FMN1: variants seen among roughly 807,000 people sequenced by gnomAD.
FMN1 encodes the protein formin 1, also known as formin-1.
FMN1 carries 110 observed loss-of-function variants against 132.4 expected under a neutral mutation model. That is an observed-to-expected ratio of 0.83 (90% CI 0.71 to 0.97). FMN1 has a LOEUF of 0.97. FMN1 is among the 50% of genes least tolerant of loss of function. The pLI, the probability that FMN1 is intolerant of heterozygous loss-of-function variation, is 0.00. For missense variants in FMN1, 1,792 were observed against 1,705.3 expected, an observed-to-expected ratio of 1.05 and a Z score of -0.90; for synonymous variants, 722 against 651.7, an observed-to-expected ratio of 1.11 and a Z score of -1.64.
Position 33,173,393 on chromosome 15 carries a change from C to T in FMN1, c.-132+6805G>A, listed in dbSNP as rs111915089. ...GTTTGTAAAAAACTTTATGAGACCA[C>T]GAAACCAAGCAGTGCTGCTTCAGGG... is the stretch of plus-strand genomic sequence containing the variant. On this transcript the variant is annotated intron_variant, in intron 3 of 20. Coordinates refer to ENST00000616417, the MANE Select transcript of FMN1 (RefSeq NM_001277313.2). 4.0e-3 allele frequency among the ~76,000 whole-genome samples: 605 copies of T among 152,294 alleles called. 1 individual carries two copies. The highest frequency in any genetic ancestry group is 9.8e-3 in the South Asian group (47 of 4,816).
intron 7 of FMN1, 77 bp from the exon 8 acceptor site, chr15:32,969,554 C>T: frequency 2.0e-6 from 3 of 1,477,078 alleles, no homozygotes; most frequent in Middle Eastern, 3.6e-4. Flanking sequence ...CTCAATAATA[C>T]CATCATGGTG....
At chr15:33,167,763 A>C (rs1017780340) in intron 3 of FMN1, among the ~76,000 whole-genome samples, 14 of 152,248 alleles carry the variant, frequency 9.2e-5, no homozygotes, top group African/African-American at 3.4e-4. Flanking sequence ...AGAAAAGAAG[A>C]TGTCATTAAG....
In FMN1 at chr15:33,033,413, C is replaced by T. The variant is rs967183323; in HGVS notation, c.2162-25338G>A. On this transcript the variant is annotated intron_variant, in intron 6 of 20. Coordinates refer to ENST00000616417, the MANE Select transcript of FMN1 (RefSeq NM_001277313.2). ...TGCACATCCTCCCGCCTACCACAGT[C>T]CCTGTCCTTGGACCTATTACTAGAG... Among the ~76,000 whole-genome samples the T allele has an allele frequency of 5.9e-5, 9 of 152,290 alleles. No individual in the cohort carries two copies. In the East Asian group the frequency reaches 1.7e-3, roughly 29 times the overall value.
intron 3 of FMN1, among the ~76,000 whole-genome samples, chr15:33,173,551 A>G (rs1048874024): frequency 6.6e-6 from 1 of 152,232 alleles, no homozygotes; most frequent in Admixed American, 6.5e-5. Flanking sequence ...ATTTTAATGC[A>G]GGGCACCAGA....
intron 20 of FMN1, among the ~76,000 whole-genome samples, chr15:32,774,916 G>T (rs2056367070): frequency 1.3e-5 from 2 of 152,104 alleles, no homozygotes; most frequent in Admixed American, 1.3e-4. Context: ...CTTCTAAAGG[G>T]AAGGACATGG....
chr15:33,141,439 A>G (rs1964006170), intron 4 of FMN1, among the ~76,000 whole-genome samples: 1 of 152,184 alleles, frequency 6.6e-6, no homozygotes. Flanking sequence ...GTTATGGGTA[A>G]CATAACGTCA....
At chr15:33,080,243 G>A (rs1796411035) in intron 5 of FMN1, among the ~76,000 whole-genome samples, 1 of 152,222 alleles carries the variant, frequency 6.6e-6, no homozygotes, top group African/African-American at 2.4e-5. Context: ...AGACACAACA[G>A]AGAGCAATCT....
In FMN1 at chr15:33,132,817, G is replaced by A. The variant is rs1291990370; in HGVS notation, c.1867+20231C>T. ...TCTAGCTCCTCCCATGCACATGCCT[G>A]CCTGGACCTGTACCTCTTTGACCAC... On this transcript the variant is annotated intron_variant, in intron 4 of 20. Transcript: ENST00000616417. Among the ~76,000 whole-genome samples the A allele has an allele frequency of 2.0e-5, 3 of 152,090 alleles. No individual in the cohort carries two copies. In the East Asian group the frequency reaches 5.8e-4, roughly 29 times the overall value.
At chr15:33,004,408 A>T (rs1388316348) in intron 7 of FMN1, among the ~76,000 whole-genome samples, 5 of 152,230 alleles carry the variant, frequency 3.3e-5, no homozygotes, top group Non-Finnish European at 7.3e-5. Flanking sequence ...TCAAAAGAAG[A>T]CATTTATGCA....
intron 6 of FMN1, among the ~76,000 whole-genome samples, chr15:33,054,351 A>T (rs932992014): frequency 6.6e-6 from 1 of 152,180 alleles, no homozygotes; most frequent in Admixed American, 6.5e-5. Flanking sequence ...CAATCCTGTA[A>T]ATTAAAAGGT....
At chr15:32,888,728 A>C (rs545485913) in intron 15 of FMN1, among the ~76,000 whole-genome samples, 43 of 152,324 alleles carry the variant, frequency 2.8e-4, no homozygotes, top group Non-Finnish European at 5.6e-4. Flanking sequence ...CTGGATAAGA[A>C]GGCACTGCAA....
intron 4 of FMN1, among the ~76,000 whole-genome samples, chr15:33,117,217 A>G (rs770789833): frequency 8.5e-5 from 13 of 152,194 alleles, no homozygotes; most frequent in African/African-American, 2.7e-4. Context: ...GAGAGAGAGA[A>G]AACAAATCCA....
rs180807015 is a variant in FMN1, at chr15:33,017,474, G to C, written c.2162-9399C>G. Among the ~76,000 whole-genome samples, 100 of 152,102 alleles carry C rather than the reference G, an allele frequency of 6.6e-4. 1 individual carries two copies. In the East Asian group the frequency reaches 0.016, roughly 24 times the overall value. ...TCAACCTAAAACTACTCTAAAAATA[G>C]TTGATTTTTTTTTTCAAAAAAGAAG... On this transcript the variant is annotated intron_variant, in intron 6 of 20. Coordinates refer to ENST00000616417, the MANE Select transcript of FMN1 (RefSeq NM_001277313.2).
At chr15:33,017,708 C>T (rs2035140425) in intron 6 of FMN1, among the ~76,000 whole-genome samples, 1 of 152,154 alleles carries the variant, frequency 6.6e-6, no homozygotes, top group African/African-American at 2.4e-5. Context: ...TGGGGGGAAA[C>T]TTCTAATTCT....
At chr15:32,866,479 T>C (rs1259245484) in intron 16 of FMN1, among the ~76,000 whole-genome samples, 1 of 152,176 alleles carries the variant, frequency 6.6e-6, no homozygotes, top group Non-Finnish European at 1.5e-5. Flanking sequence ...GTAGAAAGGC[T>C]GGCTAGATAA....
intron 4 of FMN1, 62 bp downstream of exon 4, chr15:33,152,986 G>T: frequency 7.1e-7 from 1 of 1,405,542 alleles, no homozygotes; most frequent in Non-Finnish European, 9.4e-7. Context: ...AGTAGCACAG[G>T]CAGACTGATA....
chr15:32,911,344 CCCTA>C (rs1013448631), intron 10 of FMN1, among the ~76,000 whole-genome samples: 4 of 139,732 alleles, frequency 2.9e-5, no homozygotes, highest in Non-Finnish European at 6.6e-5. Flanking sequence ...GTTCCCTCAA[CCCTA>C]CCTCCCTTCC....
chr15:32,870,947 A>G (rs2059501192), intron 16 of FMN1, among the ~76,000 whole-genome samples: 1 of 152,208 alleles, frequency 6.6e-6, no homozygotes, highest in African/African-American at 2.4e-5. Flanking sequence ...GTAGAAATGT[A>G]TTTCTAAGAT....
intron 6 of FMN1, among the ~76,000 whole-genome samples, chr15:33,050,038 T>C (rs1180085612): frequency 4.6e-5 from 7 of 152,254 alleles, no homozygotes; most frequent in Non-Finnish European, 1.5e-5. Context: ...CAACAAATTA[T>C]ATTAGATATT....
Sources: allele counts gnomAD v4.1 joint callset (sites outside exome capture counted in the v4.1 genomes callset), GRCh38; gene constraint gnomAD v4.1.1; transcripts MANE v1.5; gene names NCBI Gene and HGNC (gene_info 2026-07-23, HGNC 2026-07-21).